SIL1: variants seen among roughly 807,000 people sequenced by gnomAD.
SIL1 encodes nucleotide exchange factor SIL1.
Under a neutral mutation model 49.1 loss-of-function variants are expected in SIL1, and 40 were observed. The ratio of observed to expected loss-of-function variants is 0.81; its 90% CI spans 0.63 to 1.06. The LOEUF is 1.06. Ranked by LOEUF, SIL1 falls within the 50% of genes least tolerant of loss-of-function variation. The pLI is 0.00. For missense variants in SIL1, 500 were observed against 572.6 expected (o/e 0.87, Z 1.29); for synonymous variants, 253 against 250.8 (o/e 1.01, Z -0.08).
Position 139,121,304 on chromosome 5 carries a change from C to T in SIL1, c.106-131G>A, listed in dbSNP as rs1409226069. The T allele has an allele frequency of 7.0e-6, 9 of 1,290,316 alleles. No individual in the cohort carries two copies. The African/African-American group carries it at 7.4e-5, about 11-fold the overall frequency. The allele number at this position is 1,290,316 out of a possible 1,614,324, so 79.9% of individuals were successfully genotyped here. A position where few individuals can be genotyped will look rare whatever the true frequency, so the allele number is the denominator to read the frequency against. On this transcript the variant is annotated intron_variant, in intron 2 of 9. Transcript: ENST00000394817. ...CCACAGCCTGATATGTCTGGACACT[C>T]GCAATTCCTTTCCCAAGGTCAGCCT...
intron 1 of SIL1, among the ~76,000 whole-genome samples, chr5:139,190,318 G>C (rs1752144919): frequency 6.6e-6 from 1 of 152,178 alleles, no homozygotes; most frequent in Admixed American, 6.5e-5. Context: ...CACGGAGGAA[G>C]GCTTCAAATT....
In SIL1 at chr5:138,963,430, G is replaced by A. The variant is rs77790489; in HGVS notation, c.768-11546C>T. Among the ~76,000 whole-genome samples, 1,421 of 152,254 alleles carry A rather than the reference G, an allele frequency of 9.3e-3. 21 individuals carry two copies. The highest frequency in any genetic ancestry group is 0.032 in the African/African-American group (1,333 of 41,524). The stretch of plus-strand genomic sequence containing the variant: ...TGGAATCACGCAGGGCCTATTTTGC[G>A]TTTGCCACACAACTGTAGGAATGTT... On this transcript the variant is annotated intron_variant, in intron 7 of 9. Transcript: ENST00000394817.
chr5:139,135,908 T>C (rs1376152250), intron 1 of SIL1, among the ~76,000 whole-genome samples: 1 of 151,358 alleles, frequency 6.6e-6, no homozygotes, highest in African/African-American at 2.4e-5. Flanking sequence ...CTACTAAAAA[T>C]ACAAAAAAAT....
In SIL1 at chr5:139,042,735, T is replaced by C; in HGVS notation, c.354-16A>G. The C allele has an allele frequency of 6.2e-7, 1 of 1,612,024 alleles. No individual in the cohort carries two copies. The highest frequency in any genetic ancestry group is 8.5e-7 in the Non-Finnish European group (1 of 1,178,194). On this transcript the variant is annotated splice_polypyrimidine_tract_variant and intron_variant, in intron 4 of 9. Transcript: ENST00000394817. ...GATATCCAGCCTGTCCAAAGAAAAC[T>C]GAGAGTAAAGAGGGAGGCATGGCTA...
intron 1 of SIL1, among the ~76,000 whole-genome samples, chr5:139,171,568 G>A (rs1028603498): frequency 2.6e-5 from 4 of 151,992 alleles, no homozygotes; most frequent in African/African-American, 9.6e-5. Flanking sequence ...CACTGCGGAA[G>A]GCCACAGGGT....
intron 3 of SIL1, among the ~76,000 whole-genome samples, chr5:139,111,239 A>G (rs989836725): frequency 1.3e-5 from 2 of 152,284 alleles, no homozygotes; most frequent in South Asian, 4.2e-4. Flanking sequence ...AAGACATCTA[A>G]TAGGAGCTTC....
chr5:138,955,060 A>C (rs1354680703), intron 7 of SIL1, among the ~76,000 whole-genome samples: 1 of 152,100 alleles, frequency 6.6e-6, no homozygotes, highest in African/African-American at 2.4e-5. Context: ...ATCCTCCTCC[A>C]GCCTATGGAC....
At chr5:138,974,948 TA>T (rs1419593263) in intron 7 of SIL1, among the ~76,000 whole-genome samples, 1 of 152,192 alleles carries the variant, frequency 6.6e-6, no homozygotes, top group Non-Finnish European at 1.5e-5. Context: ...TTAGGTTAAG[TA>T]ACTTGCCCAG....
chr5:139,145,146 GACAA>G (rs1478150946), intron 1 of SIL1, among the ~76,000 whole-genome samples: 1 of 152,138 alleles, frequency 6.6e-6, no homozygotes. Context: ...ACAACAGAAA[GACAA>G]ACAACCTAAT....
At chr5:139,056,468 C>T (rs548132636) in intron 3 of SIL1, among the ~76,000 whole-genome samples, 5 of 146,900 alleles carry the variant, frequency 3.4e-5, no homozygotes, top group African/African-American at 1.0e-4. Context: ...GGAGCGTCTC[C>T]GCCCGGCAGC....
chr5:139,055,738 C>T (rs912680064), intron 3 of SIL1, among the ~76,000 whole-genome samples: 1 of 149,370 alleles, frequency 6.7e-6, no homozygotes, highest in African/African-American at 2.5e-5. Context: ...CTGGACTGTA[C>T]TGCTGCCATC....
At chr5:139,137,272 C>T in intron 1 of SIL1, 1 of 701,358 alleles carries the variant, frequency 1.4e-6, no homozygotes, top group Non-Finnish European at 2.6e-6. Context: ...TGAGGTGGTT[C>T]CAATATGCTG....
At chr5:139,060,702 T>C (rs1003570188) in intron 3 of SIL1, among the ~76,000 whole-genome samples, 8 of 152,202 alleles carry the variant, frequency 5.3e-5, no homozygotes, top group African/African-American at 1.9e-4. Flanking sequence ...AATATATTCC[T>C]CCACCATCTC....
rs111301389 is a variant in SIL1 at position 139,063,220 on chromosome 5, T to C, written c.245-12174A>G. ...TTTTGACCAGAAAAACTAGGAATCT[T>C]GTTGTGGCCCTGCCAGCCCTCCTAC... On this transcript the variant is annotated intron_variant, in intron 3 of 9. Transcript: ENST00000394817. Among the ~76,000 whole-genome samples, 108 of 152,318 alleles carry C rather than the reference T, an allele frequency of 7.1e-4. 1 individual carries two copies. The highest frequency in any genetic ancestry group is 2.5e-3 in the African/African-American group (104 of 41,576).
At chr5:139,076,546 G>A (rs1006468997) in intron 3 of SIL1, among the ~76,000 whole-genome samples, 1 of 152,134 alleles carries the variant, frequency 6.6e-6, no homozygotes, top group South Asian at 2.1e-4. Context: ...AGTCATTTGC[G>A]CTTTGCCCCA....
intron 3 of SIL1, among the ~76,000 whole-genome samples, chr5:139,092,075 G>C (rs749027893): frequency 6.6e-6 from 1 of 152,160 alleles, no homozygotes; most frequent in South Asian, 2.1e-4. Flanking sequence ...ACCATCCAAC[G>C]GGAGTATGGG....
In SIL1 at chr5:139,001,080, G is replaced by GT. The variant is rs1007677506; in HGVS notation, c.767+20090dup. Among the ~76,000 whole-genome samples the GT allele has an allele frequency of 6.0e-5, 9 of 151,222 alleles. 1 individual carries two copies. Among genetic ancestry groups the GT allele is most frequent in the Non-Finnish European group, 1.3e-4 (9 of 67,550 alleles). On this transcript the variant is annotated intron_variant, in intron 7 of 9. Coordinates refer to ENST00000394817, the MANE Select transcript of SIL1 (RefSeq NM_022464.5). ...AGTATAATTCCAATTGTCTGTGTGT[G>GT]TGGGGGGGGAAACTACTCAATTTAT... is the stretch of plus-strand genomic sequence containing the variant.
intron 7 of SIL1, among the ~76,000 whole-genome samples, chr5:138,991,782 A>G (rs560050429): frequency 6.6e-6 from 1 of 152,366 alleles, no homozygotes; most frequent in South Asian, 2.1e-4. Context: ...ATTTGGCAGA[A>G]GGAGAGAAGA....
At chr5:139,025,633 G>A (rs186329063) in intron 6 of SIL1, among the ~76,000 whole-genome samples, 27 of 152,092 alleles carry the variant, frequency 1.8e-4, no homozygotes, top group Non-Finnish European at 2.9e-4. Context: ...TCCAGCCCCC[G>A]AACCTTCCCA....
Sources: allele counts gnomAD v4.1 joint callset (sites outside exome capture counted in the v4.1 genomes callset), GRCh38; gene constraint gnomAD v4.1.1; transcripts MANE v1.5; gene names NCBI Gene and HGNC (gene_info 2026-07-23, HGNC 2026-07-21).